Variants in TFF1 observed in about 807,000 individuals in gnomAD.
The protein encoded by TFF1 is trefoil factor 1.
A neutral mutation model predicts 7.7 loss-of-function variants in TFF1; 8 were observed. The ratio of observed to expected loss-of-function variants is 1.04; its 90% CI spans 0.61 to 1.87. The LOEUF is 1.87. Among genes scored for constraint, TFF1 ranks in the 40% most tolerant of loss-of-function variants. TFF1 has a pLI of 0.00. For missense variants in TFF1, 120 were observed against 113.4 expected, an observed-to-expected ratio of 1.06 and a Z score of -0.26; for synonymous variants, 47 against 44.8, an observed-to-expected ratio of 1.05 and a Z score of -0.19.
intron 1 of TFF1, among the ~76,000 whole-genome samples, chr21:42,365,106 G>T (rs576028474): frequency 1.3e-5 from 2 of 152,140 alleles, no homozygotes; most frequent in Non-Finnish European, 2.9e-5. Context: ...TTCCACACAC[G>T]AATGCACTAA....
chr21:42,363,159 G>T, intron 2 of TFF1, 96 bp downstream of exon 2: 1 of 1,523,876 alleles, frequency 6.6e-7, no homozygotes, highest in Non-Finnish European at 9.0e-7. Flanking sequence ...CTGTGTAAAG[G>T]CATAGCTGGT....
chr21:42,363,607 T>G (rs2052257711), intron 1 of TFF1, among the ~76,000 whole-genome samples, 200 bp from the exon 2 acceptor site: 1 of 152,224 alleles, frequency 6.6e-6, no homozygotes, highest in African/African-American at 2.4e-5. Context: ...AAATGCAAGG[T>G]GCCCCAGGTT....
chr21:42,364,792 G>A (rs1165443193), intron 1 of TFF1, among the ~76,000 whole-genome samples: 1 of 152,212 alleles, frequency 6.6e-6, no homozygotes, highest in African/African-American at 2.4e-5. Flanking sequence ...GATGTCTTTG[G>A]AGAAAGTGTT....
chr21:42,365,959 C>T (rs225356), intron 1 of TFF1, among the ~76,000 whole-genome samples: 62,436 of 151,966 alleles, frequency 0.41, 13,509 homozygotes, highest in Non-Finnish European at 0.47. Flanking sequence ...ACCACTGGGA[C>T]GGGCATTCGG....
At chr21:42,366,268 G>T in intron 1 of TFF1, 143 bp downstream of exon 1, 1 of 581,354 alleles carries the variant, frequency 1.7e-6, no homozygotes, top group Non-Finnish European at 2.9e-6. Flanking sequence ...TGCCGATCCT[G>T]TAAATTGGAT....
chr21:42,364,688 C>G (rs2052265376), intron 1 of TFF1, among the ~76,000 whole-genome samples: 1 of 152,214 alleles, frequency 6.6e-6, no homozygotes, highest in Non-Finnish European at 1.5e-5. Flanking sequence ...AGGGGAGGAA[C>G]TCAGTCTGGC....
At chr21:42,362,853 C>T (rs916330800) in intron 2 of TFF1, among the ~76,000 whole-genome samples, 5 of 149,370 alleles carry the variant, frequency 3.3e-5, no homozygotes, top group African/African-American at 7.4e-5. Flanking sequence ...GAGCCAAGAT[C>T]GCACCATTGC....
intron 2 of TFF1, among the ~76,000 whole-genome samples, chr21:42,362,952 C>T (rs1049806026): frequency 2.0e-5 from 3 of 151,900 alleles, no homozygotes; most frequent in African/African-American, 7.3e-5. Flanking sequence ...TTTCGTCATG[C>T]CTTCCCCCTC....
Position 42,366,513 on chromosome 21 carries a change from A to G in TFF1, c.-18T>C. Reference sequence around the variant, plus strand: ...GTGGCCATTGCCTCCTCTCTGCTCCAAAGGCGACCCCGAGTCAGGGATGAG... The same window carrying G: ...GTGGCCATTGCCTCCTCTCTGCTCCGAAGGCGACCCCGAGTCAGGGATGAG... On this transcript the variant is annotated 5_prime_UTR_variant, in exon 1 of 3. Transcript: ENST00000291527. The G allele has an allele frequency of 6.2e-7, 1 of 1,602,234 alleles. No homozygotes were observed. Among genetic ancestry groups the G allele is most frequent in the Admixed American group, 1.7e-5 (1 of 59,524 alleles).
chr21:42,365,205 G>T (rs1174268047), intron 1 of TFF1, among the ~76,000 whole-genome samples: 3 of 152,028 alleles, frequency 2.0e-5, no homozygotes, highest in Non-Finnish European at 4.4e-5. Flanking sequence ...GAGCCAGAGG[G>T]TGTGTGGGGT....
intron 2 of TFF1, 146 bp downstream of exon 2, chr21:42,363,109 C>T: frequency 9.9e-7 from 1 of 1,005,184 alleles, no homozygotes; most frequent in Non-Finnish European, 1.5e-6. Context: ...TGCAGCCTGA[C>T]TCAGGCTACC....
chr21:42,365,906 A>G (rs1048887105), intron 1 of TFF1, among the ~76,000 whole-genome samples: 3 of 152,188 alleles, frequency 2.0e-5, no homozygotes, highest in Admixed American at 6.5e-5. Flanking sequence ...CATGGATCCC[A>G]GGGGAGCCCA....
chr21:42,362,376 C>G lies in TFF1; in HGVS notation c.*103G>C. The stretch of plus-strand genomic sequence containing the variant: ...GTGAGCCGAGGCACAGCTGCAGAAG[C>G]GTGTCTGAGGTGTCCGGTGGAGGTG... On this transcript the variant is annotated 3_prime_UTR_variant, in exon 3 of 3. Transcript: ENST00000291527. 1 of 1,322,606 alleles carries G rather than the reference C, an allele frequency of 7.6e-7. No homozygotes were observed. Among genetic ancestry groups the G allele is most frequent in the South Asian group, 1.4e-5 (1 of 73,318 alleles). The allele number at this position is 1,322,606 out of a possible 1,614,324, so 81.9% of individuals were successfully genotyped here. A position where few individuals can be genotyped will look rare whatever the true frequency, so the allele number is the denominator to read the frequency against.
chr21:42,363,050 G>C (rs1172169771), intron 2 of TFF1, among the ~76,000 whole-genome samples: 1 of 152,118 alleles, frequency 6.6e-6, no homozygotes, highest in Non-Finnish European at 1.5e-5. Context: ...GGGGAAATCA[G>C]GTTTCTTCCC....
chr21:42,363,143 G>A (rs377490037), intron 2 of TFF1, 112 bp downstream of exon 2: 39 of 1,422,518 alleles, frequency 2.7e-5, no homozygotes, highest in Admixed American at 3.9e-5. Flanking sequence ...ACTGGCGGCC[G>A]TGACTCTGTG....
Position 42,363,319 on chromosome 21 carries a change from G to C in TFF1, c.174C>G (p.Phe58Leu), listed in dbSNP as rs200807190. 3.7e-6 allele frequency: 6 copies of C among 1,614,152 alleles called. No homozygotes were observed. The highest frequency in any genetic ancestry group is 5.1e-6 in the Non-Finnish European group (6 of 1,180,038). Residue 58 changes from phenylalanine to leucine, a missense_variant, in exon 2 of 3, where the codon TTC becomes TTG. Physicochemically the swap from Phe to Leu is conservative, Grantham distance 22. Coordinates refer to ENST00000291527, the MANE Select transcript of TFF1 (RefSeq NM_003225.3). ...PSQCANKGCC[F>L]DDTVRGVPWC... ...AGGGGACCCCACGAACGGTGTCGTC[G>C]AAACAGCAGCCCTTATTTGCACACT...
intron 1 of TFF1, among the ~76,000 whole-genome samples, 180 bp from the exon 2 acceptor site, chr21:42,363,587 C>A (rs527745803): frequency 6.6e-6 from 1 of 152,248 alleles, no homozygotes; most frequent in African/African-American, 2.4e-5. Flanking sequence ...GCAAACATTA[C>A]GCTCAGGGAA....
chr21:42,362,522 G>T (rs1004373713), intron 2 of TFF1, 27 bp from the exon 3 acceptor site: 15 of 1,568,434 alleles, frequency 9.6e-6, no homozygotes, highest in Admixed American at 3.8e-5. Flanking sequence ...GAGGGAGAAA[G>T]AGATGCTTTA....
intron 1 of TFF1, among the ~76,000 whole-genome samples, chr21:42,364,260 A>G (rs958887474): frequency 1.3e-5 from 2 of 152,146 alleles, no homozygotes; most frequent in African/African-American, 4.8e-5. Context: ...TGAACAAAGC[A>G]GGGGGGCTCC....
Sources: gnomAD v4.1 joint callset for allele counts (sites outside exome capture counted in the v4.1 genomes callset) on GRCh38, gnomAD v4.1.1 for gene constraint, MANE v1.5 for transcripts, NCBI Gene and HGNC (gene_info 2026-07-23, HGNC 2026-07-21) for gene names.